The following NANS variants were observed in gnomAD, a reference collection of about 807,000 sequenced individuals.
NANS encodes N-acetylneuraminate synthase.
Under a neutral mutation model 33.3 loss-of-function variants are expected in NANS, and 29 were observed. The ratio of observed to expected loss-of-function variants is 0.87; its 90% confidence interval spans 0.65 to 1.19. The LOEUF is 1.19. NANS is among the 50% of genes most tolerant of loss of function. NANS has a pLI of 0.00. For synonymous variants in NANS, 163 were observed against 177.2 expected (o/e 0.92, Z 0.64); for missense variants, 394 against 461.1 (o/e 0.85, Z 1.33).
At chr9:98,079,313 C>T (rs998939999) in intron 4 of NANS, among the ~76,000 whole-genome samples, 4 of 152,146 alleles carry the variant, frequency 2.6e-5, no homozygotes, top group East Asian at 3.8e-4. Context: ...ATCATTAAAA[C>T]TATTATAGTA....
intron 2 of NANS, among the ~76,000 whole-genome samples, chr9:98,067,985 G>C (rs564676446): frequency 1.3e-5 from 2 of 151,988 alleles, no homozygotes; most frequent in African/African-American, 4.8e-5. Context: ...GCCTCCCAAA[G>C]TGCTGGGATT....
intron 3 of NANS, 159 bp from the exon 4 acceptor site, chr9:98,078,034 C>A: frequency 9.3e-7 from 1 of 1,078,948 alleles, no homozygotes; most frequent in Non-Finnish European, 1.3e-6. Flanking sequence ...GGCAGGAACC[C>A]AACAAGCTCC....
intron 2 of NANS, chr9:98,069,665 T>A (rs889177823): frequency 2.0e-5 from 3 of 152,258 alleles, no homozygotes; most frequent in African/African-American, 7.2e-5. Context: ...GAACATACTG[T>A]ACGATTCTGC....
chr9:98,058,218 T>C (rs552636150), intron 1 of NANS, among the ~76,000 whole-genome samples: 24 of 152,244 alleles, frequency 1.6e-4, no homozygotes, highest in Admixed American at 4.6e-4. Flanking sequence ...CCCTCGGCCC[T>C]TGCTGTTCCT....
At chr9:98,078,724 A>T (rs1339139735) in intron 4 of NANS, among the ~76,000 whole-genome samples, 1 of 151,160 alleles carries the variant, frequency 6.6e-6, no homozygotes, top group East Asian at 2.0e-4. Flanking sequence ...GGTCCCAGCT[A>T]CTCAGGAGGC....
At position 98,077,492 on chromosome 9, in the gene NANS, G is replaced by A. The variant is rs541860242; in HGVS notation, c.448+475G>A. ...CCCAAAGTGTTGGGATTACAGGTGTGAGCCACTGCACCTGTCCTAGAAAAT... is the reference window on the plus strand; with the variant it reads ...CCCAAAGTGTTGGGATTACAGGTGTAAGCCACTGCACCTGTCCTAGAAAAT... On this transcript the variant is annotated intron_variant, in intron 3 of 5. Transcript: ENST00000210444. Among the ~76,000 whole-genome samples the A allele has an allele frequency of 1.1e-4, 16 of 151,870 alleles. No homozygotes were observed. In the South Asian group the frequency reaches 2.5e-3, roughly 24 times the overall value.
At chr9:98,073,271 C>CT (rs10606237) in intron 2 of NANS, among the ~76,000 whole-genome samples, 1,317 of 57,804 alleles carry the variant, frequency 0.023, 254 homozygotes, top group African/African-American at 0.038. Flanking sequence ...TCACCATGGG[C>CT]TTTTTTTTTT....
In NANS at chr9:98,062,405, T is replaced by A. The variant is rs574512058; in HGVS notation, c.348+1408T>A. On this transcript the variant is annotated intron_variant, in intron 2 of 5. Transcript: ENST00000210444. The stretch of plus-strand genomic sequence containing the variant: ...AGCTCGTGCCAGGTCTCAGGTCCCA[T>A]CTGCTCTGTGACCTGCCTCCTTAAA... Among the ~76,000 whole-genome samples, 7 of 152,224 alleles carry A rather than the reference T, an allele frequency of 4.6e-5. No individual in the cohort carries two copies. The East Asian group carries it at 1.4e-3, about 29-fold the overall frequency.
Position 98,082,932 on chromosome 9 carries a change from CAA to C in NANS, c.959_960del (p.Lys320ArgfsTer5), listed in dbSNP as rs1395130106. ...TGCTCACCGTGAAGGTGGGTGAGCC[CAA>C]AGGCTATCCTCCTGAAGACATCTTT... Reference protein sequence around the residue: ...DMLTVKVGEPKGYPPEDIFNL... With the variant: ...DMLTVKVGEPXGYPPEDIFNL... On this transcript the variant is annotated frameshift_variant, in exon 6 of 6. Coordinates refer to ENST00000210444, the MANE Select transcript of NANS (RefSeq NM_018946.4). LOFTEE classifies it high-confidence loss of function. 6.2e-7 allele frequency: 1 copy of C among 1,614,132 alleles called. No homozygotes were observed. The highest frequency in any genetic ancestry group is 1.1e-5 in the South Asian group (1 of 91,072).
intron 4 of NANS, among the ~76,000 whole-genome samples, chr9:98,080,185 G>A (rs1829790625): frequency 6.6e-6 from 1 of 152,228 alleles, no homozygotes; most frequent in Non-Finnish European, 1.5e-5. Context: ...TTGCACTCCA[G>A]CCTTGGTGAC....
In NANS at chr9:98,080,731, G is replaced by A. The variant is rs189476507; in HGVS notation, c.604-85G>A. The A allele has an allele frequency of 1.0e-4, 153 of 1,457,552 alleles. No individual in the cohort carries two copies. The African/African-American group carries it at 1.7e-3, about 16-fold the overall frequency. The allele number at this position is 1,457,552 out of a possible 1,614,324, so 90.3% of individuals were successfully genotyped here. A position where few individuals can be genotyped will look rare whatever the true frequency, so the allele number is the denominator to read the frequency against. On this transcript the variant is annotated intron_variant, in intron 4 of 5. Coordinates refer to ENST00000210444, the MANE Select transcript of NANS (RefSeq NM_018946.4). Reference sequence around the variant, plus strand: ...TGCACAGCTAGTGAGTGGCTAAACCGGGGCTCAACCAGATACGCTTCACCT... The same window carrying A: ...TGCACAGCTAGTGAGTGGCTAAACCAGGGCTCAACCAGATACGCTTCACCT...
intron 1 of NANS, 99 bp from the exon 2 acceptor site, chr9:98,060,683 T>C: frequency 9.0e-7 from 1 of 1,114,166 alleles, no homozygotes; most frequent in Non-Finnish European, 1.3e-6. Context: ...AATAAATAAA[T>C]AAATAAAGAT....
chr9:98,062,501 A>G (rs1041003189), intron 2 of NANS, among the ~76,000 whole-genome samples: 2 of 152,208 alleles, frequency 1.3e-5, no homozygotes, highest in Non-Finnish European at 2.9e-5. Flanking sequence ...AAAGTTTAGA[A>G]AATGAGAAAA....
At chr9:98,063,164 C>A (rs1587906244) in intron 2 of NANS, among the ~76,000 whole-genome samples, 1 of 151,724 alleles carries the variant, frequency 6.6e-6, no homozygotes, top group South Asian at 2.1e-4. Flanking sequence ...CTGACCTCAG[C>A]CCATCCGCCC....
At position 98,060,906 on chromosome 9, in the gene NANS, G is replaced by A. The variant is rs1249964473; in HGVS notation, c.257G>A (p.Arg86Gln). Residue 86 changes from arginine (R) to glutamine (Q), a missense_variant, in exon 2 of 6, where the codon CGA (arginine) becomes CAA (glutamine). By Grantham distance (43) the Arg-to-Gln change is conservative. Transcript: ENST00000210444. The stretch of plus-strand genomic sequence containing the variant: ...GGGAAGACGTACGGGGAGCACAAAC[G>A]ACATCTGGAGTTCAGCCATGACCAG... ...SWGKTYGEHK[R>Q]HLEFSHDQYR... 9.9e-6 allele frequency: 16 copies of A among 1,614,052 alleles called. No individual in the cohort carries two copies. The highest frequency in any genetic ancestry group is 2.7e-5 in the African/African-American group (2 of 74,922).
At chr9:98,079,958 A>C (rs1829778738) in intron 4 of NANS, among the ~76,000 whole-genome samples, 1 of 152,240 alleles carries the variant, frequency 6.6e-6, no homozygotes, top group African/African-American at 2.4e-5. Flanking sequence ...TCATGCCAGT[A>C]GTCCCAGCAC....
At position 98,078,243 on chromosome 9, in the gene NANS, C is replaced by T. The variant is rs1351955740; in HGVS notation, c.499C>T (p.Gln167Ter). 1.2e-6 allele frequency: 2 copies of T among 1,614,104 alleles called. No individual in the cohort carries two copies. The highest frequency in any genetic ancestry group is 2.2e-5 in the South Asian group (2 of 91,082). Residue 167 changes from glutamine (Q) to a stop codon, truncating the protein, a stop_gained, in exon 4 of 6, where the codon CAA (glutamine) becomes TAA (stop). Transcript: ENST00000210444. LOFTEE classifies it high-confidence loss of function. The stretch of plus-strand genomic sequence containing the variant: ...GATGCAGTCAATGGACACCATGAAG[C>T]AAGTTTATCAGATCGTGAAGCCCCT... ...SGMQSMDTMK[Q>*]VYQIVKPLNP...
At chr9:98,077,059 AC>A (rs779938976) in intron 3 of NANS, 42 bp downstream of exon 3, 19 of 1,464,936 alleles carry the variant, frequency 1.3e-5, no homozygotes, top group Middle Eastern at 2.1e-4. Context: ...GGGAGTCCAA[AC>A]CTTCATATTT....
At chr9:98,061,425 C>G (rs1387297766) in intron 2 of NANS, among the ~76,000 whole-genome samples, 1 of 143,862 alleles carries the variant, frequency 7.0e-6, no homozygotes, top group Non-Finnish European at 1.5e-5. Context: ...TGCAGTGAGC[C>G]GAGATCACAC....
Sources: allele counts gnomAD v4.1 joint callset (sites outside exome capture counted in the v4.1 genomes callset), GRCh38; gene constraint gnomAD v4.1.1; transcripts MANE v1.5; gene names NCBI Gene and HGNC (gene_info 2026-07-23, HGNC 2026-07-21).